CLYBL: variants seen among roughly 807,000 people sequenced by gnomAD.
CLYBL encodes the protein citramalyl-CoA lyase, mitochondrial.
CLYBL carries 31 observed loss-of-function variants against 38.9 expected under a neutral mutation model. That is an observed-to-expected ratio of 0.80 (90% CI 0.60 to 1.08). CLYBL has a LOEUF of 1.08. Ranked by LOEUF, CLYBL falls within the 50% of genes least tolerant of loss-of-function variation. CLYBL has a pLI of 0.00. For missense variants in CLYBL, 434 were observed against 411.6 expected, an observed-to-expected ratio of 1.05 and a Z score of -0.47; for synonymous variants, 171 against 158.6, an observed-to-expected ratio of 1.08 and a Z score of -0.59.
At chr13:99,902,132 T>A (rs1293922423), downstream of CLYBL, among the ~76,000 whole-genome samples, 1 of 152,208 alleles carries the variant, frequency 6.6e-6, no homozygotes, top group Non-Finnish European at 1.5e-5. Context: ...AGTGTACCTT[T>A]TATAACAGTA....
chr13:99,762,470 C>T (rs2049184896), intron 1 of CLYBL, among the ~76,000 whole-genome samples: 1 of 152,156 alleles, frequency 6.6e-6, no homozygotes, highest in East Asian at 1.9e-4. Flanking sequence ...ATGAGTTGCT[C>T]ATAAATGCGT....
intron 1 of CLYBL, chr13:99,690,581 G>A (rs904206646): frequency 3.9e-5 from 6 of 151,988 alleles, no homozygotes; most frequent in Non-Finnish European, 8.8e-5. Flanking sequence ...TCAGTGTTCC[G>A]GTTCTATTTA....
chr13:99,869,012 C>G lies in CLYBL; in HGVS notation c.803-1926C>G, dbSNP rs986318834. 6.6e-6 allele frequency among the ~76,000 whole-genome samples: 1 copy of G among 152,160 alleles called. No individual in the cohort carries two copies. On this transcript the variant is annotated intron_variant, in intron 6 of 8. Transcript: ENST00000339105. The surrounding 1 kb of genome is among the most constrained non-coding windows in gnomAD (Gnocchi z 4.3). ...TTAATGTCTTCCAATTTTGCACCCT[C>G]TCAGTAACTTGTCAATAACAACTCT...
At chr13:99,763,810 C>T (rs1171373135) in intron 1 of CLYBL, among the ~76,000 whole-genome samples, 1 of 152,104 alleles carries the variant, frequency 6.6e-6, no homozygotes, top group Non-Finnish European at 1.5e-5. Flanking sequence ...GCCTTAGCCT[C>T]CCAAAGTGCT....
chr13:99,836,752 A>T (rs941731961), intron 2 of CLYBL, among the ~76,000 whole-genome samples: 1 of 152,186 alleles, frequency 6.6e-6, no homozygotes, highest in East Asian at 1.9e-4. Flanking sequence ...TAGAGAGATT[A>T]TTTCATTTCT....
intron 1 of CLYBL, among the ~76,000 whole-genome samples, chr13:99,607,774 C>T (rs1010871515): frequency 2.6e-5 from 4 of 152,138 alleles, no homozygotes; most frequent in Non-Finnish European, 5.9e-5. Context: ...GACAGAGTCT[C>T]GGTCTGTCAC....
intron 2 of CLYBL, among the ~76,000 whole-genome samples, chr13:99,804,093 G>A (rs147368756): frequency 7.2e-5 from 11 of 152,320 alleles, no homozygotes; most frequent in African/African-American, 2.6e-4. Context: ...GGTGGAGTGA[G>A]GACAGACCCC....
intron 2 of CLYBL, among the ~76,000 whole-genome samples, chr13:99,846,678 A>T (rs190817126): frequency 6.6e-6 from 1 of 152,362 alleles, no homozygotes; most frequent in African/African-American, 2.4e-5. Context: ...GGCTGAAATT[A>T]GCATTGGCTC....
At chr13:99,820,140 T>G (rs2050559103) in intron 2 of CLYBL, among the ~76,000 whole-genome samples, 1 of 152,164 alleles carries the variant, frequency 6.6e-6, no homozygotes, top group Non-Finnish European at 1.5e-5. Flanking sequence ...CTGTGTCTGT[T>G]TCTTAGCATA....
At chr13:99,806,789 G>A (rs1285083565) in intron 2 of CLYBL, among the ~76,000 whole-genome samples, 4 of 152,164 alleles carry the variant, frequency 2.6e-5, no homozygotes, top group Non-Finnish European at 5.9e-5. Flanking sequence ...ATCTTCTGTT[G>A]TATTACCTCT....
At chr13:99,789,388 G>A (rs967680287) in intron 2 of CLYBL, among the ~76,000 whole-genome samples, 1 of 152,146 alleles carries the variant, frequency 6.6e-6, no homozygotes, top group African/African-American at 2.4e-5. Context: ...AGAGATTCTG[G>A]TATGTTGTAT....
At chr13:99,777,185 C>T (rs145188739) in intron 2 of CLYBL, among the ~76,000 whole-genome samples, 29 of 152,000 alleles carry the variant, frequency 1.9e-4, no homozygotes, top group African/African-American at 6.8e-4. Flanking sequence ...CACGCCCAAC[C>T]CAGTTCGTGA....
intron 1 of CLYBL, among the ~76,000 whole-genome samples, chr13:99,744,034 G>A (rs2048805442): frequency 7.1e-6 from 1 of 141,216 alleles, no homozygotes; most frequent in Non-Finnish European, 1.5e-5. Context: ...ATGCGGTGGC[G>A]CGATATCAGC....
chr13:99,891,184 T>G (rs1388561376), intron 7 of CLYBL, 134 bp from the exon 8 acceptor site: 7 of 661,752 alleles, frequency 1.1e-5, no homozygotes, highest in South Asian at 2.0e-5. Context: ...TACTTTGGCT[T>G]TCTCAAAAGT....
chr13:99,716,212 A>G (rs1267639161), intron 1 of CLYBL, among the ~76,000 whole-genome samples: 7 of 45,144 alleles, frequency 1.6e-4, no homozygotes, highest in Non-Finnish European at 2.9e-4. Context: ...TTTTTTAGAG[A>G]CAAGGTCTCG....
chr13:99,627,487 C>T (rs968711318), intron 1 of CLYBL, among the ~76,000 whole-genome samples: 1 of 152,084 alleles, frequency 6.6e-6, no homozygotes, highest in Non-Finnish European at 1.5e-5. Flanking sequence ...GATCTTTGGT[C>T]TTAAAAAGGA....
At chr13:99,621,675 G>A (rs2046799308) in intron 1 of CLYBL, among the ~76,000 whole-genome samples, 3 of 152,160 alleles carry the variant, frequency 2.0e-5, no homozygotes, top group Admixed American at 1.3e-4. Context: ...CAGCCTGTGG[G>A]CCACATGTGA....
chr13:99,716,572 C>G (rs2048318677), intron 1 of CLYBL, among the ~76,000 whole-genome samples: 1 of 150,844 alleles, frequency 6.6e-6, no homozygotes, highest in Non-Finnish European at 1.5e-5. Context: ...TTAATAGAGA[C>G]AGGGTTTCAC....
chr13:99,770,797 C>G (rs181733248), intron 1 of CLYBL, among the ~76,000 whole-genome samples: 52 of 151,562 alleles, frequency 3.4e-4, no homozygotes, highest in South Asian at 6.3e-4. Context: ...TCTCCGCTCA[C>G]TGCAATCTCC....
Sources: gnomAD v4.1 joint callset for allele counts (sites outside exome capture counted in the v4.1 genomes callset) on GRCh38, gnomAD v4.1.1 for gene constraint, Gnocchi (gnomAD v3.1) non-coding constraint, MANE v1.5 for transcripts, NCBI Gene and HGNC (gene_info 2026-07-23, HGNC 2026-07-21) for gene names.